Variants in MARCHF6 observed in about 807,000 individuals in gnomAD.
MARCHF6 encodes E3 ubiquitin-protein ligase MARCHF6.
A neutral mutation model predicts 133.7 loss-of-function variants in MARCHF6; 31 were observed. The observed-to-expected ratio is 0.23, with a 90% CI of 0.17 to 0.31. MARCHF6 has a LOEUF of 0.31. Among genes scored for constraint, MARCHF6 ranks in the 10% least tolerant of loss-of-function variants. MARCHF6 has a pLI of 1.00. For missense variants in MARCHF6, 723 were observed against 1,121.6 expected, an observed-to-expected ratio of 0.64 and a Z score of 5.08; for synonymous variants, 395 against 402.5, an observed-to-expected ratio of 0.98 and a Z score of 0.22.
chr5:10,390,301 G>C (rs1205996361), intron 5 of MARCHF6, 31 bp from the exon 6 acceptor site: 5 of 1,583,942 alleles, frequency 3.2e-6, no homozygotes. Flanking sequence ...GTCTTCTTTG[G>C]AGTAATTATA....
At chr5:10,377,645 A>G (rs1482641883) in intron 1 of MARCHF6, among the ~76,000 whole-genome samples, 153 bp from the exon 2 acceptor site, 1 of 152,258 alleles carries the variant, frequency 6.6e-6, no homozygotes, top group Non-Finnish European at 1.5e-5. Context: ...TTGAATAGCA[A>G]CTTAATCACA....
intron 1 of MARCHF6, among the ~76,000 whole-genome samples, chr5:10,360,569 G>C (rs1307098469): frequency 6.6e-6 from 1 of 152,208 alleles, no homozygotes; most frequent in Non-Finnish European, 1.5e-5. Context: ...TTGAGCATCT[G>C]TGGATTTTGG....
intron 10 of MARCHF6, among the ~76,000 whole-genome samples, chr5:10,397,597 C>T (rs16884642): frequency 0.053 from 8,013 of 151,926 alleles, 711 homozygotes; most frequent in African/African-American, 0.18. Flanking sequence ...TTTGTAGAAG[C>T]TGGTTTTAGA....
At chr5:10,360,152 T>TG (rs1216395501) in intron 1 of MARCHF6, among the ~76,000 whole-genome samples, 2 of 145,290 alleles carry the variant, frequency 1.4e-5, no homozygotes, top group Non-Finnish European at 3.0e-5. Context: ...GTGTTTTTTT[T>TG]TTTTTTTTTT....
At position 10,410,271 on chromosome 5, in the gene MARCHF6, C is replaced by T; in HGVS notation, c.1686C>T (p.Tyr562=). 6.2e-7 allele frequency: 1 copy of T among 1,612,538 alleles called. No homozygotes were observed. Among genetic ancestry groups the T allele is most frequent in the Non-Finnish European group, 8.5e-7 (1 of 1,179,872 alleles). ...LVRAWTVTAG[Y]LLDLHSYLLG... ...GAGCGTGGACTGTGACCGCCGGATACTTGCTGTGAGTATGGGCAGCTGACT... is the reference window on the plus strand; with the variant it reads ...GAGCGTGGACTGTGACCGCCGGATATTTGCTGTGAGTATGGGCAGCTGACT... The change falls in exon 18 of 26, where the codon TAC becomes TAT. Residue 562 remains tyrosine (Y), a synonymous_variant. Coordinates refer to ENST00000274140, the MANE Select transcript of MARCHF6 (RefSeq NM_005885.4).
chr5:10,433,971 A>G lies in MARCHF6; in HGVS notation c.*287A>G, dbSNP rs1740487977. ...TTGTACATCTTTAAACAAAATGTATATTAATTTATTAAATCTAGTTGTCAC... is the reference window on the plus strand; with the variant it reads ...TTGTACATCTTTAAACAAAATGTATGTTAATTTATTAAATCTAGTTGTCAC... On this transcript the variant is annotated 3_prime_UTR_variant, in exon 26 of 26. Coordinates refer to ENST00000274140, the MANE Select transcript of MARCHF6 (RefSeq NM_005885.4). 1 of 319,670 alleles carries G rather than the reference A, an allele frequency of 3.1e-6. No individual in the cohort carries two copies. The highest frequency in any genetic ancestry group is 5.9e-6 in the Non-Finnish European group (1 of 169,326). 19.8% of individuals were successfully genotyped at this position (319,670 alleles called of 1,614,324 possible).
At chr5:10,391,278 C>T (rs890246538) in intron 6 of MARCHF6, among the ~76,000 whole-genome samples, 7 of 151,822 alleles carry the variant, frequency 4.6e-5, no homozygotes, top group African/African-American at 1.5e-4. Flanking sequence ...GGACTATAGG[C>T]GCAAACCACC....
At chr5:10,368,206 T>G (rs1736252325) in intron 1 of MARCHF6, among the ~76,000 whole-genome samples, 2 of 152,212 alleles carry the variant, frequency 1.3e-5, no homozygotes, top group Admixed American at 1.3e-4. Flanking sequence ...TTTTTGACTT[T>G]GTATGTTTGT....
intron 19 of MARCHF6, among the ~76,000 whole-genome samples, chr5:10,412,709 G>T (rs1449863907): frequency 6.6e-6 from 1 of 152,102 alleles, no homozygotes; most frequent in East Asian, 1.9e-4. Flanking sequence ...CCGATTAGCT[G>T]GGACCATGGG....
At chr5:10,384,450 T>C (rs1312148891) in intron 4 of MARCHF6, among the ~76,000 whole-genome samples, 3 of 152,122 alleles carry the variant, frequency 2.0e-5, no homozygotes, top group Non-Finnish European at 4.4e-5. Flanking sequence ...AATTAAGCAG[T>C]GGACAGAATT....
chr5:10,429,185 A>C (rs925689785), intron 24 of MARCHF6, among the ~76,000 whole-genome samples: 3 of 152,172 alleles, frequency 2.0e-5, no homozygotes, highest in Non-Finnish European at 2.9e-5. Context: ...ACTTGCTCTG[A>C]TTTTAAAGCC....
At chr5:10,394,880 A>G in intron 9 of MARCHF6, 95 bp downstream of exon 9, 1 of 714,940 alleles carries the variant, frequency 1.4e-6, no homozygotes, top group Non-Finnish European at 2.3e-6. Context: ...GCTCACTGCA[A>G]CCTCCGTCTC....
chr5:10,388,726 T>C (rs923316287), intron 5 of MARCHF6, among the ~76,000 whole-genome samples: 1 of 152,148 alleles, frequency 6.6e-6, no homozygotes, highest in African/African-American at 2.4e-5. Context: ...AGGGCAGCAT[T>C]CTAAAAGGGC....
chr5:10,366,303 G>A (rs1216132380), intron 1 of MARCHF6, among the ~76,000 whole-genome samples: 5 of 151,836 alleles, frequency 3.3e-5, no homozygotes, highest in African/African-American at 1.2e-4. Context: ...CCCTATTTTG[G>A]GCTATATAGG....
Position 10,400,791 on chromosome 5 carries a change from C to T in MARCHF6, c.921C>T (p.Cys307=). The stretch of plus-strand genomic sequence containing the variant: ...TTTTTTCCCCCTTTTTAGCATTTTG[C>T]CCTTACCATATTGGTCATTTCTCCC... ...NTLFILVFAF[C]PYHIGHFSLV... The change falls in exon 11 of 26, where the codon TGC becomes TGT. Residue 307 remains cysteine (C), a synonymous_variant. Transcript: ENST00000274140. The T allele has an allele frequency of 1.2e-6, 2 of 1,612,062 alleles. No homozygotes were observed.
intron 1 of MARCHF6, among the ~76,000 whole-genome samples, chr5:10,366,183 A>G (rs1040560713): frequency 2.4e-4 from 36 of 152,080 alleles, no homozygotes; most frequent in Admixed American, 1.1e-3. Context: ...CCATCTTGCC[A>G]AAGTGCTGGG....
At chr5:10,386,627 G>A (rs1737498899) in intron 4 of MARCHF6, among the ~76,000 whole-genome samples, 2 of 152,052 alleles carry the variant, frequency 1.3e-5, no homozygotes, top group Non-Finnish European at 2.9e-5. Flanking sequence ...ACCTTTTATT[G>A]TCATGAGCAG....
intron 1 of MARCHF6, among the ~76,000 whole-genome samples, chr5:10,372,872 A>G (rs1465387841): frequency 6.6e-6 from 1 of 152,088 alleles, no homozygotes; most frequent in Non-Finnish European, 1.5e-5. Flanking sequence ...AGAAAATACC[A>G]CTGCAAACTG....
At position 10,377,855 on chromosome 5, in the gene MARCHF6, G is replaced by C; in HGVS notation, c.77G>C (p.Cys26Ser). The C allele has an allele frequency of 6.2e-7, 1 of 1,613,352 alleles. No individual in the cohort carries two copies. The highest frequency in any genetic ancestry group is 2.2e-5 in the East Asian group (1 of 44,814). ...CCTGAGAAACCGCTTTATCATCCTTGTGTATGTACTGGCAGTATTAAGTTT... is the reference window on the plus strand; with the variant it reads ...CCTGAGAAACCGCTTTATCATCCTTCTGTATGTACTGGCAGTATTAAGTTT... Reference protein sequence around the residue: ...GTPEKPLYHPCVCTGSIKFIH... With the variant: ...GTPEKPLYHPSVCTGSIKFIH... The change falls in exon 2 of 26, where the codon TGT (cysteine) becomes TCT (serine). Residue 26 changes from cysteine to serine, a missense_variant. Cys to Ser is a moderately radical substitution (Grantham distance 112). Around this residue, in one of 4 missense-constraint regions of MARCHF6, gnomAD observed 91 missense variants for 208.8 expected, o/e 0.44. Transcript: ENST00000274140.
Sources: gnomAD v4.1 joint callset for allele counts (sites outside exome capture counted in the v4.1 genomes callset) on GRCh38, gnomAD v4.1.1 for gene constraint, gnomAD v4.1.1 regional missense constraint, MANE v1.5 for transcripts, NCBI Gene and HGNC (gene_info 2026-07-23, HGNC 2026-07-21) for gene names.